CSMD1: variants seen among roughly 807,000 people sequenced by gnomAD.
The protein encoded by CSMD1 is CUB and sushi domain-containing protein 1.
A neutral mutation model predicts 417.5 loss-of-function variants in CSMD1; 213 were observed. The ratio of observed to expected loss-of-function variants is 0.51; its 90% CI spans 0.46 to 0.57. The LOEUF (loss-of-function observed/expected upper bound fraction) is 0.57, where lower values mean the gene tolerates loss of function less well. Among genes scored for constraint, CSMD1 ranks in the 20% least tolerant of loss-of-function variants. The pLI is 0.00. For missense variants in CSMD1, 6,923 were observed against 4,529.7 expected (o/e 1.53, Z -15.17); for synonymous variants, 2,862 against 1,736.8 (o/e 1.65, Z -16.11).
At chr8:4,549,709 C>G (rs778794084) in intron 2 of CSMD1, among the ~76,000 whole-genome samples, 68 of 151,516 alleles carry the variant, frequency 4.5e-4, no homozygotes, top group Admixed American at 8.6e-4. Context: ...GGCAACATGG[C>G]AAAACCCCGT....
intron 8 of CSMD1, among the ~76,000 whole-genome samples, 176 bp from the exon 9 acceptor site, chr8:3,586,436 T>C (rs1267198535): frequency 1.3e-5 from 2 of 152,174 alleles, no homozygotes; most frequent in African/African-American, 2.4e-5. Flanking sequence ...TAGCAAAGGT[T>C]ATAAAATCAA....
At chr8:3,358,542 T>C (rs1247607745) in intron 21 of CSMD1, among the ~76,000 whole-genome samples, 2 of 152,158 alleles carry the variant, frequency 1.3e-5, no homozygotes. Context: ...GCAAGCCAAT[T>C]CCTGCATGTG....
At chr8:3,913,556 C>A (rs1208016743) in intron 5 of CSMD1, among the ~76,000 whole-genome samples, 1 of 152,100 alleles carries the variant, frequency 6.6e-6, no homozygotes, top group Non-Finnish European at 1.5e-5. Flanking sequence ...AATAATAAGG[C>A]AACAAAGAAT....
rs530775432 is a variant in CSMD1, at chr8:4,915,946, T to C, written c.85+78386A>G. On this transcript the variant is annotated intron_variant, in intron 1 of 69. Transcript: ENST00000635120. The stretch of plus-strand genomic sequence containing the variant: ...TGGGTATAAAACTGCAAGTGGCATC[T>C]CTTCCACAGGAACATCTTCTCTTCC... 2.6e-5 allele frequency among the ~76,000 whole-genome samples: 4 copies of C among 152,328 alleles called. No homozygotes were observed. In the South Asian group the frequency reaches 8.3e-4, roughly 32 times the overall value.
At chr8:3,776,151 A>T (rs187634421) in intron 5 of CSMD1, among the ~76,000 whole-genome samples, 16 of 152,146 alleles carry the variant, frequency 1.1e-4, no homozygotes, top group African/African-American at 3.9e-4. Flanking sequence ...GCTCATCTGC[A>T]CATCATACGG....
rs559890239 is a variant in CSMD1 at position 3,683,945 on chromosome 8, A to G, written c.1009+24469T>C. ...ACCACTAAGTTTTAGCAAATTTAGG[A>G]CAATGCACACCTTTTGCTTCATGTG... On this transcript the variant is annotated intron_variant, in intron 7 of 69. Transcript: ENST00000635120. Among the ~76,000 whole-genome samples the G allele has an allele frequency of 3.2e-4, 49 of 152,054 alleles. 2 individuals are homozygous for G. In the South Asian group the frequency reaches 9.3e-3, roughly 29 times the overall value.
intron 3 of CSMD1, among the ~76,000 whole-genome samples, chr8:4,308,085 C>T (rs13265430): frequency 5.3e-5 from 8 of 152,086 alleles, no homozygotes; most frequent in South Asian, 2.1e-4. Flanking sequence ...GGTCTTTATT[C>T]GAACAGTGGC....
At chr8:3,520,015 T>C (rs899667415) in intron 10 of CSMD1, among the ~76,000 whole-genome samples, 42 of 139,374 alleles carry the variant, frequency 3.0e-4, no homozygotes, top group African/African-American at 1.2e-3. Flanking sequence ...TGTGTGTGTA[T>C]ATACCTATAT....
At chr8:3,898,226 G>A (rs1807497023) in intron 5 of CSMD1, among the ~76,000 whole-genome samples, 1 of 152,042 alleles carries the variant, frequency 6.6e-6, no homozygotes, top group African/African-American at 2.4e-5. Flanking sequence ...CCTACATATT[G>A]AGAAAATAAA....
chr8:3,645,549 G>C (rs994193616), intron 7 of CSMD1, among the ~76,000 whole-genome samples: 3 of 152,188 alleles, frequency 2.0e-5, no homozygotes, highest in Admixed American at 6.5e-5. Flanking sequence ...CTGCAGGAGA[G>C]ATCATGGGAA....
chr8:4,125,440 G>C (rs1012994208), intron 3 of CSMD1, among the ~76,000 whole-genome samples: 1 of 152,168 alleles, frequency 6.6e-6, no homozygotes, highest in Non-Finnish European at 1.5e-5. Flanking sequence ...TCTGTTGCTT[G>C]ATGTCCCATG....
chr8:4,500,281 A>C (rs1349169519), intron 2 of CSMD1, among the ~76,000 whole-genome samples: 1 of 152,188 alleles, frequency 6.6e-6, no homozygotes, highest in African/African-American at 2.4e-5. Flanking sequence ...GCGAGTGTCA[A>C]TTATGCCAAT....
intron 3 of CSMD1, among the ~76,000 whole-genome samples, chr8:4,176,214 T>C (rs1798033452): frequency 6.6e-6 from 1 of 152,114 alleles, no homozygotes; most frequent in African/African-American, 2.4e-5. Flanking sequence ...GATGTGGCTC[T>C]GTAGGCTATA....
Position 4,357,209 on chromosome 8 carries a change from G to A in CSMD1, c.415+62744C>T, listed in dbSNP as rs553498244. On this transcript the variant is annotated intron_variant, in intron 3 of 69. Coordinates refer to ENST00000635120, the MANE Select transcript of CSMD1 (RefSeq NM_033225.6). ...TGTAGTGTGTTCTTAAGTAGCTAAG[G>A]GTTTTCAGTTGAAAGAGCCTCTTAC... Among the ~76,000 whole-genome samples the A allele has an allele frequency of 2.0e-5, 3 of 152,082 alleles. No homozygotes were observed. The South Asian group carries it at 6.2e-4, about 31-fold the overall frequency.
At chr8:3,107,496 C>CA (rs1165827410) in intron 45 of CSMD1, among the ~76,000 whole-genome samples, 13 of 150,514 alleles carry the variant, frequency 8.6e-5, no homozygotes, top group South Asian at 2.1e-4. Context: ...AATGGCAAAA[C>CA]AAAAAAAAAT....
At chr8:4,781,745 G>A (rs866544909) in intron 1 of CSMD1, among the ~76,000 whole-genome samples, 2 of 152,118 alleles carry the variant, frequency 1.3e-5, no homozygotes, top group Non-Finnish European at 2.9e-5. Context: ...TTACTATATG[G>A]TAACCATTCT....
At chr8:4,776,525 G>T (rs1183564141) in intron 1 of CSMD1, among the ~76,000 whole-genome samples, 2 of 152,074 alleles carry the variant, frequency 1.3e-5, no homozygotes, top group Admixed American at 1.3e-4. Flanking sequence ...CCATAGGAAT[G>T]GTGGCACCAT....
intron 10 of CSMD1, among the ~76,000 whole-genome samples, chr8:3,518,078 T>C (rs1797355978): frequency 6.6e-6 from 1 of 152,266 alleles, no homozygotes; most frequent in East Asian, 1.9e-4. Context: ...GAAAATGTGA[T>C]TATAACTATA....
intron 4 of CSMD1, 120 bp from the exon 5 acceptor site, chr8:3,998,230 ACT>A: frequency 1.3e-6 from 1 of 761,264 alleles, no homozygotes. Flanking sequence ...AAATTGAGAC[ACT>A]CAATCTGAAA....
Sources: allele counts gnomAD v4.1 joint callset (sites outside exome capture counted in the v4.1 genomes callset), GRCh38; gene constraint gnomAD v4.1.1; transcripts MANE v1.5; gene names NCBI Gene and HGNC (gene_info 2026-07-23, HGNC 2026-07-21).